The following P3H2 variants were observed in gnomAD, a reference collection of about 807,000 sequenced individuals.
P3H2 encodes leprecan-like 1.
Under a neutral mutation model 87.0 loss-of-function variants are expected in P3H2, and 80 were observed. The ratio of observed to expected loss-of-function variants is 0.92; its 90% CI spans 0.77 to 1.11. The LOEUF (loss-of-function observed/expected upper bound fraction) is 1.11, where lower values mean the gene tolerates loss of function less well. Ranked by LOEUF, P3H2 falls within the 50% of genes least tolerant of loss-of-function variation. The pLI, the probability that P3H2 is intolerant of heterozygous loss-of-function variation, is 0.00. For missense variants in P3H2, 1,001 were observed against 923.9 expected (o/e 1.08, Z -1.08); for synonymous variants, 367 against 359.3 (o/e 1.02, Z -0.24).
Position 190,087,584 on chromosome 3 carries a change from C to CATCCATTT in P3H2, c.480+32660_480+32667dup, listed in dbSNP as rs568943380. Among the ~76,000 whole-genome samples, 189 of 149,494 alleles carry CATCCATTT rather than the reference C, an allele frequency of 1.3e-3. 1 individual carries two copies. Among genetic ancestry groups the CATCCATTT allele is most frequent in the African/African-American group, 4.5e-3 (183 of 40,758 alleles). On this transcript the variant is annotated intron_variant, in intron 1 of 14. Transcript: ENST00000319332. ...AAAAACCATCAAGAAAAGGCAATGT[C>CATCCATTT]ATCCATTTATTTGGCTCTTCTTTAT...
chr3:190,085,389 G>A (rs762766688), intron 1 of P3H2, among the ~76,000 whole-genome samples: 19 of 152,156 alleles, frequency 1.2e-4, no homozygotes, highest in African/African-American at 4.6e-4. Context: ...AAAGTCTCTG[G>A]ATACATGTGA....
intron 1 of P3H2, among the ~76,000 whole-genome samples, chr3:190,072,169 G>C (rs997805491): frequency 6.6e-6 from 1 of 151,960 alleles, no homozygotes; most frequent in African/African-American, 2.4e-5. Context: ...GGGATTACAG[G>C]CATGTGCCAC....
At chr3:190,064,346 T>G in intron 1 of P3H2, among the ~76,000 whole-genome samples, 1 of 152,000 alleles carries the variant, frequency 6.6e-6, no homozygotes, top group Non-Finnish European at 1.5e-5. Context: ...AATTCTTGGC[T>G]ACACTTCAGT....
chr3:190,006,765 T>A (rs1419373850), intron 1 of P3H2, among the ~76,000 whole-genome samples: 1 of 152,176 alleles, frequency 6.6e-6, no homozygotes, highest in Admixed American at 6.5e-5. Flanking sequence ...ATGTCCCAGC[T>A]GCAGAATAGT....
chr3:190,014,015 G>A (rs1467010356), intron 1 of P3H2, among the ~76,000 whole-genome samples: 1 of 151,826 alleles, frequency 6.6e-6, no homozygotes, highest in African/African-American at 2.4e-5. Flanking sequence ...CTGTCTACTA[G>A]CGAGAAAAAA....
At position 190,113,604 on chromosome 3, in the gene P3H2, T is replaced by C. The variant is rs531088953; in HGVS notation, c.480+6648A>G. 6.6e-5 allele frequency among the ~76,000 whole-genome samples: 10 copies of C among 152,360 alleles called. No individual in the cohort carries two copies. In the East Asian group the frequency reaches 1.9e-3, roughly 29 times the overall value. On this transcript the variant is annotated intron_variant, in intron 1 of 14. Transcript: ENST00000319332. The stretch of plus-strand genomic sequence containing the variant: ...CTTCATTTAGGTGAACCTATCCACC[T>C]TTCAAAATGTATCAAGTCTCGCCTA...
intron 1 of P3H2, among the ~76,000 whole-genome samples, chr3:190,092,926 T>C (rs543736239): frequency 8.5e-5 from 13 of 152,276 alleles, no homozygotes; most frequent in Admixed American, 5.2e-4. Context: ...CTTTACTTTC[T>C]AATCCCCCCC....
intron 1 of P3H2, among the ~76,000 whole-genome samples, chr3:190,089,534 G>A (rs941451400): frequency 1.3e-5 from 2 of 152,076 alleles, no homozygotes; most frequent in African/African-American, 2.4e-5. Flanking sequence ...TTCTGTTCCC[G>A]CCCTCCCAAC....
chr3:190,122,078 C>CCG (rs1446379569), upstream of P3H2: 1 of 57,004 alleles, frequency 1.8e-5, no homozygotes, highest in African/African-American at 1.2e-4. Context: ...GAGACTCCGT[C>CCG]TCAAAAACAA....
intron 1 of P3H2, among the ~76,000 whole-genome samples, chr3:190,023,034 G>A (rs1273548978): frequency 6.6e-6 from 1 of 151,200 alleles, no homozygotes; most frequent in Non-Finnish European, 1.5e-5. Context: ...CACCGTGTTA[G>A]CCAGGATGGT....
At chr3:189,997,473 A>G (rs1724086797) in intron 1 of P3H2, among the ~76,000 whole-genome samples, 1 of 152,228 alleles carries the variant, frequency 6.6e-6, no homozygotes, top group African/African-American at 2.4e-5. Context: ...ATTCAACTGT[A>G]TCTGCTTTTG....
At chr3:190,113,662 A>G (rs1712157425) in intron 1 of P3H2, among the ~76,000 whole-genome samples, 1 of 152,238 alleles carries the variant, frequency 6.6e-6, no homozygotes. Flanking sequence ...AGCATTTCCA[A>G]GAGAATTTCA....
chr3:190,090,406 A>C (rs1458409354), intron 1 of P3H2, among the ~76,000 whole-genome samples: 1 of 152,202 alleles, frequency 6.6e-6, no homozygotes, highest in Non-Finnish European at 1.5e-5. Flanking sequence ...GACTCAAAAA[A>C]TATTTACCAC....
intron 14 of P3H2, 142 bp downstream of exon 14, chr3:189,963,816 A>T: frequency 1.2e-6 from 1 of 811,990 alleles, no homozygotes; most frequent in South Asian, 1.4e-5. Context: ...TTCTACAAAC[A>T]TCTTCACTTA....
At chr3:189,991,025 G>C (rs1723861444) in intron 3 of P3H2, among the ~76,000 whole-genome samples, 1 of 152,298 alleles carries the variant, frequency 6.6e-6, no homozygotes, top group Non-Finnish European at 1.5e-5. Flanking sequence ...AGAGGCGAAT[G>C]TGGGCGTGAA....
At chr3:190,008,970 G>T (rs1225043290) in intron 1 of P3H2, among the ~76,000 whole-genome samples, 1 of 152,078 alleles carries the variant, frequency 6.6e-6, no homozygotes, top group Non-Finnish European at 1.5e-5. Flanking sequence ...GTAGGAGAAA[G>T]AACTTCTGAA....
intron 1 of P3H2, among the ~76,000 whole-genome samples, chr3:190,059,743 C>A (rs1236144703): frequency 6.6e-6 from 1 of 152,022 alleles, no homozygotes; most frequent in Non-Finnish European, 1.5e-5. Context: ...GGGACAAAAC[C>A]AAACATAATT....
intron 13 of P3H2, chr3:189,969,341 G>C: frequency 1.2e-6 from 1 of 858,610 alleles, no homozygotes; most frequent in Non-Finnish European, 2.0e-6. Context: ...GAGATAAAAC[G>C]AGGTCCCTCA....
upstream of P3H2, chr3:190,120,902 G>A: frequency 3.8e-6 from 4 of 1,042,704 alleles, no homozygotes; most frequent in Non-Finnish European, 5.2e-6. Flanking sequence ...AGAGGCGGAG[G>A]CCGTGCCTGG....
Sources: gnomAD v4.1 joint callset for allele counts (sites outside exome capture counted in the v4.1 genomes callset) on GRCh38, gnomAD v4.1.1 for gene constraint, MANE v1.5 for transcripts, NCBI Gene and HGNC (gene_info 2026-07-23, HGNC 2026-07-21) for gene names.